MARCHF1: variants seen among roughly 807,000 people sequenced by gnomAD.
MARCHF1 encodes membrane associated ring-CH-type finger 1.
In MARCHF1, 40 loss-of-function variants were observed where a neutral mutation model predicts 54.2. That is an observed-to-expected ratio of 0.74 (90% CI 0.57 to 0.96). The LOEUF (loss-of-function observed/expected upper bound fraction) is 0.96, where lower values mean the gene tolerates loss of function less well. Among genes scored for constraint, MARCHF1 ranks in the 40% least tolerant of loss-of-function variants. The pLI, the probability that MARCHF1 is intolerant of heterozygous loss-of-function variation, is 0.00. For synonymous variants in MARCHF1, 236 were observed against 236.3 expected, an observed-to-expected ratio of 1.00 and a Z score of 0.01; for missense variants, 586 against 656.5, an observed-to-expected ratio of 0.89 and a Z score of 1.17.
In MARCHF1 at chr4:163,525,772, C is replaced by A. The variant is rs1402815810; in HGVS notation, c.*2976G>T. On this transcript the variant is annotated 3_prime_UTR_variant, in exon 10 of 10. Coordinates refer to ENST00000514618, the MANE Select transcript of MARCHF1 (RefSeq NM_001394959.1). The stretch of plus-strand genomic sequence containing the variant: ...GTAAACATGCCTCAAAATTTGCATT[C>A]CGTAGAGCAGTTTTTCTTTTTGAAG... 6.6e-6 allele frequency: 1 copy of A among 151,932 alleles called. No individual in the cohort carries two copies. The highest frequency in any genetic ancestry group is 1.5e-5 in the Non-Finnish European group (1 of 67,958). 9.4% of individuals were successfully genotyped at this position (151,932 alleles called of 1,614,324 possible).
At chr4:163,935,702 CTTTTTTT>C (rs34331599) in intron 3 of MARCHF1, among the ~76,000 whole-genome samples, 6 of 125,758 alleles carry the variant, frequency 4.8e-5, no homozygotes, top group Non-Finnish European at 1.0e-4. Context: ...TGCTTGCTTT[CTTTTTTT>C]TTTTTTTTTT....
intron 1 of MARCHF1, among the ~76,000 whole-genome samples, chr4:164,138,811 A>C (rs985702228): frequency 5.3e-5 from 8 of 152,198 alleles, no homozygotes; most frequent in African/African-American, 1.7e-4. Context: ...GCTATCTTAG[A>C]GAGATTAAAT....
At chr4:164,153,119 A>G (rs994403982) in intron 1 of MARCHF1, among the ~76,000 whole-genome samples, 20 of 13,638 alleles carry the variant, frequency 1.5e-3, no homozygotes, top group Non-Finnish European at 2.2e-3. Context: ...CTTTTCATCA[A>G]CAGAGAATAT....
At chr4:163,779,731 G>C (rs1000248147) in intron 4 of MARCHF1, among the ~76,000 whole-genome samples, 1 of 151,920 alleles carries the variant, frequency 6.6e-6, no homozygotes, top group African/African-American at 2.4e-5. Flanking sequence ...GATATTCTTG[G>C]GATGTAGAAG....
At chr4:163,666,118 G>T (rs1743523765) in intron 5 of MARCHF1, among the ~76,000 whole-genome samples, 2 of 152,106 alleles carry the variant, frequency 1.3e-5, no homozygotes, top group Admixed American at 1.3e-4. Flanking sequence ...GAAGGCCCAA[G>T]TCATTAATAT....
At chr4:163,555,438 A>G (rs1422321017) in intron 8 of MARCHF1, among the ~76,000 whole-genome samples, 3 of 152,210 alleles carry the variant, frequency 2.0e-5, no homozygotes, top group Non-Finnish European at 2.9e-5. Context: ...CCTAAATCTG[A>G]GTTGATTAAT....
intron 3 of MARCHF1, among the ~76,000 whole-genome samples, chr4:163,934,094 T>C (rs1280627917): frequency 6.6e-6 from 1 of 152,218 alleles, no homozygotes; most frequent in Non-Finnish European, 1.5e-5. Flanking sequence ...TACTTTTCCA[T>C]GCAGATATGT....
At chr4:164,185,117 A>T (rs1233073331) in intron 1 of MARCHF1, among the ~76,000 whole-genome samples, 1 of 152,208 alleles carries the variant, frequency 6.6e-6, no homozygotes, top group Non-Finnish European at 1.5e-5. Context: ...TTTCCTCACA[A>T]AATTCTTTAA....
At chr4:163,764,088 T>C (rs1406682961) in intron 4 of MARCHF1, among the ~76,000 whole-genome samples, 1 of 152,098 alleles carries the variant, frequency 6.6e-6, no homozygotes, top group Non-Finnish European at 1.5e-5. Flanking sequence ...ATTGACTTTC[T>C]TCTATTCGTC....
At chr4:163,942,675 T>C (rs970466238) in intron 3 of MARCHF1, among the ~76,000 whole-genome samples, 10 of 152,184 alleles carry the variant, frequency 6.6e-5, no homozygotes, top group African/African-American at 1.7e-4. Context: ...ATCTTCAATA[T>C]GGCCCTGCAC....
intron 2 of MARCHF1, among the ~76,000 whole-genome samples, chr4:164,002,354 G>A (rs932927051): frequency 6.6e-6 from 1 of 151,190 alleles, no homozygotes; most frequent in Non-Finnish European, 1.5e-5. Flanking sequence ...ATCGATATAA[G>A]TAAAAAAACA....
chr4:164,354,756 C>G (rs28881309), intron 1 of MARCHF1, among the ~76,000 whole-genome samples: 64,006 of 117,738 alleles, frequency 0.54, 12,434 homozygotes, highest in Admixed American at 0.61. Context: ...GTTGGAAGTT[C>G]TGGCCAGGGC....
chr4:164,346,626 A>G (rs868534659), intron 1 of MARCHF1, among the ~76,000 whole-genome samples: 86 of 7,518 alleles, frequency 0.011, 3 homozygotes, highest in South Asian at 0.041. Context: ...ATATATATAT[A>G]TATATATATA....
At chr4:163,878,808 G>A (rs1349917407) in intron 3 of MARCHF1, among the ~76,000 whole-genome samples, 1 of 152,128 alleles carries the variant, frequency 6.6e-6, no homozygotes, top group Admixed American at 6.5e-5. Flanking sequence ...CAATTACAGT[G>A]TAATTATTTT....
At chr4:164,011,023 C>T (rs561243744) in intron 2 of MARCHF1, among the ~76,000 whole-genome samples, 17 of 152,240 alleles carry the variant, frequency 1.1e-4, no homozygotes, top group South Asian at 8.3e-4. Context: ...AGCAAAGTCT[C>T]TTCAATAAAT....
chr4:163,840,915 A>G (rs972684254), intron 4 of MARCHF1, among the ~76,000 whole-genome samples: 3 of 152,072 alleles, frequency 2.0e-5, no homozygotes, highest in Admixed American at 2.0e-4. Flanking sequence ...GGCATATACA[A>G]TTTTTACTTG....
At chr4:164,360,603 C>A (rs1730696286) in intron 1 of MARCHF1, among the ~76,000 whole-genome samples, 1 of 152,080 alleles carries the variant, frequency 6.6e-6, no homozygotes, top group African/African-American at 2.4e-5. Flanking sequence ...GATTTTTCAG[C>A]CCCACCCAAA....
At chr4:164,334,192 T>G (rs1043095853) in intron 1 of MARCHF1, among the ~76,000 whole-genome samples, 1 of 152,180 alleles carries the variant, frequency 6.6e-6, no homozygotes, top group Non-Finnish European at 1.5e-5. Context: ...TGAAGGTAGC[T>G]GCACTAAACA....
chr4:164,184,591 A>T (rs1174827281), intron 1 of MARCHF1, among the ~76,000 whole-genome samples: 1 of 152,206 alleles, frequency 6.6e-6, no homozygotes, highest in Non-Finnish European at 1.5e-5. Context: ...ATAGAAAACA[A>T]ACCTCCATAG....
Sources: gnomAD v4.1 joint callset for allele counts (sites outside exome capture counted in the v4.1 genomes callset) on GRCh38, gnomAD v4.1.1 for gene constraint, MANE v1.5 for transcripts, NCBI Gene and HGNC (gene_info 2026-07-23, HGNC 2026-07-21) for gene names.